Variants in SIPA1L1 observed in about 807,000 individuals in gnomAD.
SIPA1L1 encodes signal induced proliferation associated 1 like 1.
In SIPA1L1, 26 loss-of-function variants were observed where a neutral mutation model predicts 162.7. That is an observed-to-expected ratio of 0.16 (90% CI 0.12 to 0.22). SIPA1L1 has a LOEUF of 0.22. SIPA1L1 is among the 10% of genes least tolerant of loss of function. The pLI, the probability that SIPA1L1 is intolerant of heterozygous loss-of-function variation, is 1.00. For missense variants in SIPA1L1, 1,874 were observed against 2,241.0 expected (o/e 0.84, Z 3.31); for synonymous variants, 829 against 837.4 (o/e 0.99, Z 0.17).
intron 2 of SIPA1L1, among the ~76,000 whole-genome samples, chr14:71,374,131 C>A (rs1383523551): frequency 6.6e-6 from 1 of 152,036 alleles, no homozygotes; most frequent in Admixed American, 6.6e-5. Flanking sequence ...TTAGAAGATC[C>A]CATGGGCATA....
intron 2 of SIPA1L1, among the ~76,000 whole-genome samples, chr14:71,473,477 T>C (rs2047621994): frequency 6.6e-6 from 1 of 152,216 alleles, no homozygotes; most frequent in African/African-American, 2.4e-5. Context: ...ACTGGCAGAA[T>C]TTGAGCCCAG....
chr14:71,333,052 C>T (rs2034730910), intron 2 of SIPA1L1, among the ~76,000 whole-genome samples: 3 of 152,178 alleles, frequency 2.0e-5, no homozygotes, highest in Admixed American at 1.3e-4. Flanking sequence ...AACCAATCAA[C>T]ATTTAAACTC....
At chr14:71,511,925 C>G (rs1386080948) in intron 2 of SIPA1L1, among the ~76,000 whole-genome samples, 1 of 152,206 alleles carries the variant, frequency 6.6e-6, no homozygotes, top group Admixed American at 6.5e-5. Flanking sequence ...CCCGAGAGGG[C>G]TTGCCTCCTC....
At chr14:71,519,114 A>G (rs533003581) in intron 3 of SIPA1L1, among the ~76,000 whole-genome samples, 98 of 152,044 alleles carry the variant, frequency 6.4e-4, no homozygotes, top group African/African-American at 2.3e-3. Context: ...CAGTCAAACC[A>G]TATCACCCCA....
At chr14:71,445,731 T>G (rs1305791093) in intron 2 of SIPA1L1, among the ~76,000 whole-genome samples, 1 of 152,266 alleles carries the variant, frequency 6.6e-6, no homozygotes. Context: ...TTACTACTTT[T>G]GCAAAATACA....
chr14:71,332,699 G>T (rs1194424514), intron 2 of SIPA1L1, among the ~76,000 whole-genome samples: 2 of 152,090 alleles, frequency 1.3e-5, no homozygotes, highest in Non-Finnish European at 2.9e-5. Context: ...GATATTGATT[G>T]CTGGAGCTTT....
rs557522549 is a variant in SIPA1L1, at chr14:71,739,101, C to T, written c.5292C>T (p.Asn1764=). 4.8e-5 allele frequency: 78 copies of T among 1,614,066 alleles called. No individual in the cohort carries two copies. In the South Asian group the frequency reaches 6.8e-4, roughly 14 times the overall value. Residue 1764 remains asparagine (N), a synonymous_variant, in exon 24 of 24, where the codon AAC becomes AAT. Coordinates refer to ENST00000381232, the MANE Select transcript of SIPA1L1 (RefSeq NM_001386936.1). ...TGAGGCTACAGGAGGAGTCCCAGAA[C>T]GCCTCGGACAAGCTGAAGAAGTTCA... ...DNLRLQEESQ[N]ASDKLKKFTE... is the part of the protein sequence containing the mutation.
intron 4 of SIPA1L1, among the ~76,000 whole-genome samples, chr14:71,546,174 TA>T (rs1871354193): frequency 6.6e-6 from 1 of 152,162 alleles, no homozygotes; most frequent in African/African-American, 2.4e-5. Flanking sequence ...TGTGAGCTCC[TA>T]TTTTTTAAGT....
chr14:71,534,417 C>T (rs2053712925), intron 4 of SIPA1L1, among the ~76,000 whole-genome samples: 1 of 152,084 alleles, frequency 6.6e-6, no homozygotes, highest in Non-Finnish European at 1.5e-5. Flanking sequence ...GGGTGCAGTG[C>T]TGTAAGACCT....
chr14:71,505,811 A>G (rs1215593549), intron 2 of SIPA1L1, among the ~76,000 whole-genome samples: 3 of 152,140 alleles, frequency 2.0e-5, no homozygotes, highest in Non-Finnish European at 4.4e-5. Context: ...CGGTGTACAC[A>G]AACTTTGTTT....
Position 71,733,828 on chromosome 14 carries a change from C to G in SIPA1L1, c.5008+16C>G. The G allele has an allele frequency of 6.2e-7, 1 of 1,609,968 alleles. No individual in the cohort carries two copies. The highest frequency in any genetic ancestry group is 8.5e-7 in the Non-Finnish European group (1 of 1,178,846). On this transcript the variant is annotated intron_variant, in intron 21 of 23. Coordinates refer to ENST00000381232, the MANE Select transcript of SIPA1L1 (RefSeq NM_001386936.1). ...GCCTATGAGGGTGAGTCCACTGAAT[C>G]CACACAAGACAGCCCAGGATCCTGC...
intron 17 of SIPA1L1, among the ~76,000 whole-genome samples, chr14:71,712,367 G>A (rs766877703): frequency 2.6e-5 from 4 of 152,104 alleles, no homozygotes; most frequent in Non-Finnish European, 5.9e-5. Flanking sequence ...ACACATACTG[G>A]TAACTTTCTA....
Position 71,509,040 on chromosome 14 carries a change from G to A in SIPA1L1, c.-464-3703G>A, listed in dbSNP as rs570627904. 3.9e-4 allele frequency among the ~76,000 whole-genome samples: 59 copies of A among 152,238 alleles called. 1 individual carries two copies. Among genetic ancestry groups the A allele is most frequent in the African/African-American group, 1.4e-3 (57 of 41,552 alleles). ...AAGGCCTGCTGCTTCTCCCAGAATC[G>A]GCTGACATGGTTAGTTATTCCTGGA... On this transcript the variant is annotated intron_variant, in intron 2 of 23. Coordinates refer to ENST00000381232, the MANE Select transcript of SIPA1L1 (RefSeq NM_001386936.1).
At chr14:71,736,935 G>T (rs1186101722) in intron 22 of SIPA1L1, among the ~76,000 whole-genome samples, 2 of 152,218 alleles carry the variant, frequency 1.3e-5, no homozygotes, top group East Asian at 3.9e-4. Context: ...TACCACTGCT[G>T]CCCGGCCCCA....
Position 71,588,849 on chromosome 14 carries a change from C to T in SIPA1L1, c.977C>T (p.Thr326Ile). ...TCAGAAGACTCTGTCAGGCCCTGGA[C>T]ATGTCCAAAGTGCTTTGCCCACTAT... is the stretch of plus-strand genomic sequence containing the variant. The part of the protein sequence containing the change: ...NRSEDSVRPW[T>I]CPKCFAHYDV... The change falls in exon 5 of 24, where the codon ACA becomes ATA. Residue 326 changes from threonine to isoleucine, a missense_variant. Coordinates refer to ENST00000381232, the MANE Select transcript of SIPA1L1 (RefSeq NM_001386936.1). The surrounding 1 kb of genome is among the most constrained non-coding windows in gnomAD (Gnocchi z 4.3). 6.2e-7 allele frequency: 1 copy of T among 1,614,110 alleles called. No homozygotes were observed. The highest frequency in any genetic ancestry group is 2.2e-5 in the East Asian group (1 of 44,866).
intron 13 of SIPA1L1, among the ~76,000 whole-genome samples, chr14:71,697,367 C>T (rs1338338609): frequency 1.3e-5 from 2 of 152,030 alleles, no homozygotes; most frequent in African/African-American, 4.8e-5. Flanking sequence ...CTTAATTAAC[C>T]CAATTGACTG....
At chr14:71,335,452 C>T (rs769004405) in intron 2 of SIPA1L1, among the ~76,000 whole-genome samples, 2 of 152,196 alleles carry the variant, frequency 1.3e-5, no homozygotes, top group South Asian at 2.1e-4. Context: ...CAGCAGTGTG[C>T]GCCCATTGCA....
intron 4 of SIPA1L1, among the ~76,000 whole-genome samples, chr14:71,552,643 G>T (rs557342647): frequency 1.3e-5 from 2 of 151,864 alleles, no homozygotes; most frequent in Non-Finnish European, 2.9e-5. Flanking sequence ...TGATCCGCCC[G>T]CCTCGGCCTC....
chr14:71,426,160 C>G (rs1006596632), intron 2 of SIPA1L1, among the ~76,000 whole-genome samples: 1 of 151,934 alleles, frequency 6.6e-6, no homozygotes, highest in African/African-American at 2.4e-5. Flanking sequence ...AACACATGTC[C>G]TTTGTCTATC....
Sources: gnomAD v4.1 joint callset for allele counts (sites outside exome capture counted in the v4.1 genomes callset) on GRCh38, gnomAD v4.1.1 for gene constraint, Gnocchi (gnomAD v3.1) non-coding constraint, MANE v1.5 for transcripts, NCBI Gene and HGNC (gene_info 2026-07-23, HGNC 2026-07-21) for gene names.